Variants in TRANK1 observed in about 807,000 individuals in gnomAD.
TRANK1 encodes the protein TPR and ankyrin repeat-containing protein 1.
A neutral mutation model predicts 266.0 loss-of-function variants in TRANK1; 198 were observed. The ratio of observed to expected loss-of-function variants is 0.74; its 90% CI spans 0.66 to 0.84. The LOEUF (loss-of-function observed/expected upper bound fraction) is 0.84, where lower values mean the gene tolerates loss of function less well. Among genes scored for constraint, TRANK1 ranks in the 40% least tolerant of loss-of-function variants. The pLI, the probability that TRANK1 is intolerant of heterozygous loss-of-function variation, is 0.00. For synonymous variants in TRANK1, 1,396 were observed against 1,384.1 expected (o/e 1.01, Z -0.19); for missense variants, 3,326 against 3,634.6 (o/e 0.92, Z 2.18).
chr3:36,897,892 G>C (rs2079815662), intron 4 of TRANK1, among the ~76,000 whole-genome samples: 1 of 152,176 alleles, frequency 6.6e-6, no homozygotes, highest in South Asian at 2.1e-4. Context: ...CCAGTTTCTG[G>C]TTTTGCCTGA....
chr3:36,929,146 ATT>A (rs5847943), intron 1 of TRANK1, among the ~76,000 whole-genome samples: 13,833 of 143,964 alleles, frequency 0.096, 902 homozygotes, highest in East Asian at 0.34. Context: ...TAAAACATTA[ATT>A]TTTTTTTTTT....
chr3:36,892,412 C>A, intron 6 of TRANK1, 72 bp from the exon 7 acceptor site: 1 of 1,502,650 alleles, frequency 6.7e-7, no homozygotes, highest in South Asian at 1.3e-5. Context: ...CTCCTTTACC[C>A]ATAAAGTATG....
rs771986754 is a variant in TRANK1, at chr3:36,831,945, A to G, written c.7638T>C (p.Asp2546=). 1 of 1,614,066 alleles carries G rather than the reference A, an allele frequency of 6.2e-7. No homozygotes were observed. ...CCACATAGTCTATTTCACTGAAGGC[A>G]TCAAGCAGGACGTTGAAGTTCACAT... ...YENVNFNVLL[D]AFSEIDYVVS... is the part of the protein sequence containing the mutation. The change falls in exon 22 of 24, where the codon GAT becomes GAC. Residue 2546 remains aspartate (D), a synonymous_variant. Transcript: ENST00000645898. The surrounding 1 kb of genome is among the most constrained non-coding windows in gnomAD (Gnocchi z 5.0).
intron 15 of TRANK1, chr3:36,850,958 C>T: frequency 1.0e-6 from 1 of 985,554 alleles, no homozygotes; most frequent in Non-Finnish European, 1.2e-6. Flanking sequence ...GAAGACCCCA[C>T]AGTACAGTCA....
At chr3:36,933,038 T>G (rs1016962411) in intron 1 of TRANK1, among the ~76,000 whole-genome samples, 10 of 152,320 alleles carry the variant, frequency 6.6e-5, no homozygotes, top group Admixed American at 6.5e-4. Context: ...TTTTTCTTCC[T>G]TTCTGTCTTT....
At chr3:36,879,902 G>GTAAACATACAAATATATA (rs1559449290) in intron 8 of TRANK1, among the ~76,000 whole-genome samples, 27 of 53,022 alleles carry the variant, frequency 5.1e-4, no homozygotes, top group Non-Finnish European at 8.2e-4. Flanking sequence ...GCAAATATAT[G>GTAAACATACAAATATATA]TAAACATGCA....
At chr3:36,935,526 C>A (rs1200043616) in intron 1 of TRANK1, among the ~76,000 whole-genome samples, 2 of 145,132 alleles carry the variant, frequency 1.4e-5, no homozygotes, top group Non-Finnish European at 3.0e-5. Context: ...TCTCAACTCA[C>A]TGCAACCTCT....
chr3:36,847,367 G>A, intron 15 of TRANK1, 21 bp from the exon 16 acceptor site: 1 of 1,612,288 alleles, frequency 6.2e-7, no homozygotes, highest in South Asian at 1.1e-5. Context: ...ACAAAAAAGT[G>A]AAGACCAACA....
At chr3:36,869,448 G>A (rs2079274214) in intron 9 of TRANK1, among the ~76,000 whole-genome samples, 1 of 152,238 alleles carries the variant, frequency 6.6e-6, no homozygotes, top group South Asian at 2.1e-4. Context: ...TCATCTGGAT[G>A]TAAAACAACT....
intron 15 of TRANK1, among the ~76,000 whole-genome samples, chr3:36,847,600 C>T (rs556922072): frequency 6.6e-6 from 1 of 152,134 alleles, no homozygotes; most frequent in African/African-American, 2.4e-5. Context: ...ATGACCACTT[C>T]CAGGGAAGAA....
intron 1 of TRANK1, among the ~76,000 whole-genome samples, chr3:36,934,744 A>G (rs1271051796): frequency 6.6e-6 from 1 of 152,190 alleles, no homozygotes; most frequent in African/African-American, 2.4e-5. Context: ...CCAAAAATCA[A>G]CTTGTGCATT....
chr3:36,864,664 A>C (rs151024614), intron 9 of TRANK1, among the ~76,000 whole-genome samples, 184 bp from the exon 10 acceptor site: 6 of 152,290 alleles, frequency 3.9e-5, no homozygotes, highest in African/African-American at 1.4e-4. Context: ...GACTAGCTTC[A>C]TGACTTGCTA....
chr3:36,879,077 T>C (rs1035774623), intron 8 of TRANK1, among the ~76,000 whole-genome samples: 6 of 152,068 alleles, frequency 3.9e-5, no homozygotes, highest in Non-Finnish European at 2.9e-5. Flanking sequence ...CTGGAAGTGA[T>C]TTATCTCTTA....
chr3:36,842,871 G>A (rs1179478405), intron 17 of TRANK1, among the ~76,000 whole-genome samples, 161 bp from the exon 18 acceptor site: 1 of 152,146 alleles, frequency 6.6e-6, no homozygotes, highest in African/African-American at 2.4e-5. Flanking sequence ...AGAGAGATAG[G>A]GCCTTTACAG....
At chr3:36,918,960 C>T (rs191896231) in intron 1 of TRANK1, among the ~76,000 whole-genome samples, 30 of 152,306 alleles carry the variant, frequency 2.0e-4, no homozygotes, top group Non-Finnish European at 8.8e-5. Flanking sequence ...GCATCACAGG[C>T]AGGTGGGTTT....
intron 3 of TRANK1, among the ~76,000 whole-genome samples, chr3:36,901,681 A>G (rs991247025): frequency 6.6e-6 from 1 of 152,116 alleles, no homozygotes; most frequent in African/African-American, 2.4e-5. Flanking sequence ...GTAGAGGGAA[A>G]ATTTTTTGCC....
At position 36,907,936 on chromosome 3, in the gene TRANK1, G is replaced by A. The variant is rs75109294; in HGVS notation, c.155+387C>T. On this transcript the variant is annotated intron_variant, in intron 2 of 23. Coordinates refer to ENST00000645898, the MANE Select transcript of TRANK1 (RefSeq NM_001329998.2). ...AACAGGTCTGTAAGAAGCTGAAGGG[G>A]CAAGGAAAGAGAAAGTGAACCTTAG... 2.0e-4 allele frequency among the ~76,000 whole-genome samples: 31 copies of A among 152,282 alleles called. 1 individual carries two copies. The East Asian group carries it at 5.0e-3, about 25-fold the overall frequency.
At chr3:36,888,952 A>G (rs1387822702) in intron 8 of TRANK1, among the ~76,000 whole-genome samples, 1 of 152,180 alleles carries the variant, frequency 6.6e-6, no homozygotes, top group Non-Finnish European at 1.5e-5. Context: ...AGGCTGAGGC[A>G]GGAGAATCCC....
chr3:36,831,935 C>G lies in TRANK1; in HGVS notation c.7648G>C (p.Glu2550Gln), dbSNP rs748321864. 6.2e-7 allele frequency: 1 copy of G among 1,614,048 alleles called. No homozygotes were observed. Among genetic ancestry groups the G allele is most frequent in the East Asian group, 2.2e-5 (1 of 44,890 alleles). Reference sequence around the variant, plus strand: ...TCACCCGAGACCACATAGTCTATTTCACTGAAGGCATCAAGCAGGACGTTG... The same window carrying G: ...TCACCCGAGACCACATAGTCTATTTGACTGAAGGCATCAAGCAGGACGTTG... ...NFNVLLDAFS[E>Q]IDYVVSGEAE... The change falls in exon 22 of 24, where the codon GAA becomes CAA. Residue 2550 changes from glutamate (E) to glutamine (Q), a missense_variant. Transcript: ENST00000645898. This position sits in a 1 kb window ranked among gnomAD's most constrained non-coding sequence, Gnocchi z 5.0.
Sources: gnomAD v4.1 joint callset for allele counts (sites outside exome capture counted in the v4.1 genomes callset) on GRCh38, gnomAD v4.1.1 for gene constraint, Gnocchi (gnomAD v3.1) non-coding constraint, MANE v1.5 for transcripts, NCBI Gene and HGNC (gene_info 2026-07-23, HGNC 2026-07-21) for gene names.